Variants in CSF1R observed in about 807,000 individuals in gnomAD.
The protein encoded by CSF1R is macrophage colony-stimulating factor 1 receptor.
In CSF1R, 40 loss-of-function variants were observed where a neutral mutation model predicts 110.0. That is an observed-to-expected ratio of 0.36 (90% CI 0.28 to 0.47). The LOEUF is 0.47. Ranked by LOEUF, CSF1R falls within the 20% of genes least tolerant of loss-of-function variation. CSF1R has a pLI of 0.99. For synonymous variants in CSF1R, 523 were observed against 503.4 expected, an observed-to-expected ratio of 1.04 and a Z score of -0.52; for missense variants, 1,052 against 1,253.0, an observed-to-expected ratio of 0.84 and a Z score of 2.42.
At chr5:150,074,842 T>TACACACACACAC (rs5872157) in intron 5 of CSF1R, among the ~76,000 whole-genome samples, 160 of 151,902 alleles carry the variant, frequency 1.1e-3, no homozygotes, top group East Asian at 7.2e-3. Context: ...TCTTCCTTCC[T>TACACACACACAC]ACACACACAC....
At chr5:150,105,347 C>CAAA (rs780403646) in intron 1 of CSF1R, among the ~76,000 whole-genome samples, 81 of 76,544 alleles carry the variant, frequency 1.1e-3, no homozygotes, top group African/African-American at 3.7e-3. Context: ...GACTCTGTCT[C>CAAA]AAAAAAAAAA....
chr5:150,106,416 C>T (rs1002859518), intron 1 of CSF1R, among the ~76,000 whole-genome samples: 1 of 152,178 alleles, frequency 6.6e-6, no homozygotes, highest in Non-Finnish European at 1.5e-5. Context: ...CCCCACCCTC[C>T]TGCCCAGTTA....
At chr5:150,073,849 C>T (rs542455156) in intron 5 of CSF1R, among the ~76,000 whole-genome samples, 11 of 152,340 alleles carry the variant, frequency 7.2e-5, no homozygotes, top group South Asian at 2.1e-4. Flanking sequence ...CACAATTTCA[C>T]GTGTCCTCAT....
At chr5:150,107,918 T>C (rs988742030) in intron 1 of CSF1R, among the ~76,000 whole-genome samples, 1 of 152,198 alleles carries the variant, frequency 6.6e-6, no homozygotes, top group Non-Finnish European at 1.5e-5. Flanking sequence ...AGGTCAGCTG[T>C]GGTCCCTCCC....
rs2113845995 is a variant in CSF1R at position 150,086,392 on chromosome 5, G to A, written c.36C>T (p.Ala12=). 2 of 1,610,002 alleles carry A rather than the reference G, an allele frequency of 1.2e-6. No homozygotes were observed. Among genetic ancestry groups the A allele is most frequent in the East Asian group, 4.5e-5 (2 of 44,816 alleles). Residue 12 remains alanine, a synonymous_variant, in exon 1 of 21, where the codon GCC becomes GCT. Transcript: ENST00000675795. The part of the protein sequence containing the change: ...GPGVLLLLLV[A]TAWHGQGIPV... ...TTCTGCTCTTACCATGCCAAGCTGT[G>A]GCCACCAGCAGGAGCAGCAGAACTC...
chr5:150,061,099 C>A, intron 12 of CSF1R, 127 bp from the exon 13 acceptor site: 1 of 627,052 alleles, frequency 1.6e-6, no homozygotes, highest in Non-Finnish European at 2.8e-6. Flanking sequence ...CCCGGAGTGA[C>A]CAGAAGCCAA....
intron 10 of CSF1R, among the ~76,000 whole-genome samples, chr5:150,067,421 T>C (rs1757822058): frequency 6.6e-6 from 1 of 152,174 alleles, no homozygotes. Context: ...TCTCAGAACC[T>C]CAGTTTACAA....
intron 1 of CSF1R, among the ~76,000 whole-genome samples, chr5:150,107,876 C>T (rs566780550): frequency 6.6e-6 from 1 of 152,350 alleles, no homozygotes; most frequent in Non-Finnish European, 1.5e-5. Context: ...TTCTCAATCA[C>T]TGTCCCTGGC....
chr5:150,070,360 C>G, intron 7 of CSF1R, 58 bp from the exon 8 acceptor site: 1 of 1,597,916 alleles, frequency 6.3e-7, no homozygotes, highest in Non-Finnish European at 8.5e-7. Context: ...CCCAATCTCC[C>G]AGTACCTACT....
intron 6 of CSF1R, 118 bp downstream of exon 6, chr5:150,073,183 C>T (rs1758099376): frequency 4.2e-6 from 4 of 958,320 alleles, no homozygotes; most frequent in Admixed American, 2.4e-5. Flanking sequence ...CAGAAAGGGG[C>T]AGGGACTTGC....
chr5:150,074,960 T>G (rs972072432), intron 5 of CSF1R, among the ~76,000 whole-genome samples: 2 of 152,116 alleles, frequency 1.3e-5, no homozygotes, highest in African/African-American at 4.8e-5. Flanking sequence ...AATCCCATCC[T>G]CCTCCTTTTC....
At chr5:150,073,967 G>T (rs1350647293) in intron 5 of CSF1R, among the ~76,000 whole-genome samples, 5 of 152,152 alleles carry the variant, frequency 3.3e-5, no homozygotes, top group African/African-American at 1.2e-4. Flanking sequence ...GTCCCCTCTG[G>T]CCCGGTGATT....
At chr5:150,090,644 A>G (rs1561953676), upstream of CSF1R, among the ~76,000 whole-genome samples, 1 of 152,238 alleles carries the variant, frequency 6.6e-6, no homozygotes, top group Non-Finnish European at 1.5e-5. Flanking sequence ...ATAAATATTT[A>G]TGGGAAAATA....
intron 1 of CSF1R, among the ~76,000 whole-genome samples, chr5:150,094,034 GCC>G (rs1403341012): frequency 6.7e-6 from 1 of 148,726 alleles, no homozygotes; most frequent in African/African-American, 2.5e-5. Context: ...TTGCACTTTA[GCC>G]TGGGCAACAA....
chr5:150,084,162 C>T (rs1289360601), intron 1 of CSF1R, among the ~76,000 whole-genome samples: 1 of 151,750 alleles, frequency 6.6e-6, no homozygotes, highest in Non-Finnish European at 1.5e-5. Context: ...CATGATAAAA[C>T]CCTGTCTCTA....
chr5:150,097,454 A>T (rs1450980031), intron 1 of CSF1R, among the ~76,000 whole-genome samples: 1 of 152,024 alleles, frequency 6.6e-6, no homozygotes, highest in Non-Finnish European at 1.5e-5. Context: ...AAAAGAAAGA[A>T]AGTGAAAGAA....
At chr5:150,110,097 C>G (rs2113872212) in intron 1 of CSF1R, among the ~76,000 whole-genome samples, 1 of 152,352 alleles carries the variant, frequency 6.6e-6, no homozygotes, top group East Asian at 1.9e-4. Context: ...CCTGCTTTGA[C>G]CTGAGTCACC....
Position 150,056,321 on chromosome 5 carries a change from T to A in CSF1R, c.2340A>T (p.Ala780=). The change falls in exon 17 of 21, where the codon GCA becomes GCT. Residue 780 remains alanine, a synonymous_variant. Coordinates refer to ENST00000675795, the MANE Select transcript of CSF1R (RefSeq NM_001288705.3). ...ASKNCIHRDV[A]ARNVLLTNGH... is the part of the protein sequence containing the mutation. Reference sequence around the variant, plus strand: ...CATTGGTCAACAGCACGTTACGCGCTGCCACGTCCCGGTGGATGCACTGAG... The same window carrying A: ...CATTGGTCAACAGCACGTTACGCGCAGCCACGTCCCGGTGGATGCACTGAG... 2 of 1,614,148 alleles carry A rather than the reference T, an allele frequency of 1.2e-6. No individual in the cohort carries two copies. The highest frequency in any genetic ancestry group is 1.7e-6 in the Non-Finnish European group (2 of 1,180,036).
chr5:150,089,252 CA>C (rs1758958283), upstream of CSF1R, among the ~76,000 whole-genome samples: 1 of 151,966 alleles, frequency 6.6e-6, no homozygotes, highest in Admixed American at 6.6e-5. Context: ...AGAAGGCATC[CA>C]AATTAAAAAA....
Sources: gnomAD v4.1 joint callset for allele counts (sites outside exome capture counted in the v4.1 genomes callset) on GRCh38, gnomAD v4.1.1 for gene constraint, MANE v1.5 for transcripts, NCBI Gene and HGNC (gene_info 2026-07-23, HGNC 2026-07-21) for gene names.